The following C6orf118 variants were observed in gnomAD, a reference collection of about 807,000 sequenced individuals.
C6orf118 encodes chromosome 6 open reading frame 118, also known as uncharacterized protein C6orf118.
Under a neutral mutation model 50.2 loss-of-function variants are expected in C6orf118, and 50 were observed. The ratio of observed to expected loss-of-function variants is 1.00; its 90% CI spans 0.79 to 1.26. The LOEUF is 1.26. C6orf118 is among the 50% of genes most tolerant of loss of function. The probability of loss-of-function intolerance (pLI) is 0.00; values close to 1 mark genes in which losing one functional copy is unlikely to be tolerated. For synonymous variants in C6orf118, 239 were observed against 230.9 expected, an observed-to-expected ratio of 1.03 and a Z score of -0.32; for missense variants, 641 against 578.7, an observed-to-expected ratio of 1.11 and a Z score of -1.10.
At chr6:165,300,941 C>T (rs997248568) in intron 2 of C6orf118, among the ~76,000 whole-genome samples, 5 of 149,024 alleles carry the variant, frequency 3.4e-5, no homozygotes, top group Admixed American at 6.6e-5. Context: ...CTGGGCATAC[C>T]TCAGGGCGTG....
In C6orf118 at chr6:165,281,653, T is replaced by C; in HGVS notation, c.1343A>G (p.Lys448Arg). ...IQLETENMILKKKIKGPLEIY... is the reference protein window; with the variant it reads ...IQLETENMILRKKIKGPLEIY... ...CAAAAAACTTACTTTTATTTTCTTC[T>C]TTAAAATCATATTTTCTGTTTCCAA... The change falls in exon 8 of 9, where the codon AAG becomes AGG. Residue 448 changes from lysine (K) to arginine (R), a missense_variant. Lys to Arg is a conservative substitution (Grantham distance 26). Transcript: ENST00000230301. The C allele has an allele frequency of 6.7e-7, 1 of 1,497,522 alleles. No homozygotes were observed. Among genetic ancestry groups the C allele is most frequent in the Non-Finnish European group, 8.9e-7 (1 of 1,118,750 alleles). The allele number at this position is 1,497,522 out of a possible 1,614,324, so 92.8% of individuals were successfully genotyped here.
In C6orf118 at chr6:165,302,097, C is replaced by A; in HGVS notation, c.225G>T (p.Thr75=). 6.2e-7 allele frequency: 1 copy of A among 1,614,042 alleles called. No individual in the cohort carries two copies. The highest frequency in any genetic ancestry group is 8.5e-7 in the Non-Finnish European group (1 of 1,180,018). The change falls in exon 2 of 9, where the codon ACG becomes ACT. Residue 75 remains threonine, a synonymous_variant. Coordinates refer to ENST00000230301, the MANE Select transcript of C6orf118 (RefSeq NM_144980.4). The part of the protein sequence containing the change: ...NPNKLYQPPE[T]ILQHWPNAHR... ...GGGCATTGGGCCAGTGCTGTAAGATCGTCTCCGGAGGCTGGTAGAGCTTGT... is the reference window on the plus strand; with the variant it reads ...GGGCATTGGGCCAGTGCTGTAAGATAGTCTCCGGAGGCTGGTAGAGCTTGT...
At position 165,286,976 on chromosome 6, in the gene C6orf118, A is replaced by C. The variant is rs187595258; in HGVS notation, c.1302+2910T>G. On this transcript the variant is annotated intron_variant, in intron 7 of 8. Transcript: ENST00000230301. ...ATAAAGGGTATTGAAATAGGAAGAG[A>C]GGAAGTTGAATTGTCTCTGTTTGCA... is the stretch of plus-strand genomic sequence containing the variant. Among the ~76,000 whole-genome samples, 98 of 152,326 alleles carry C rather than the reference A, an allele frequency of 6.4e-4. 2 individuals carry two copies. Among genetic ancestry groups the C allele is most frequent in the Middle Eastern group, 6.8e-3 (2 of 294 alleles).
intron 6 of C6orf118, among the ~76,000 whole-genome samples, chr6:165,290,663 G>C (rs1423407074): frequency 1.3e-5 from 2 of 152,120 alleles, no homozygotes; most frequent in Non-Finnish European, 2.9e-5. Context: ...CTTTTAATAT[G>C]GGCAGAGACA....
In C6orf118 at chr6:165,279,826, C is replaced by G. The variant is rs182481246; in HGVS notation, c.*231G>C. The G allele has an allele frequency of 1.8e-5, 7 of 396,914 alleles. No individual in the cohort carries two copies. The highest frequency in any genetic ancestry group is 6.6e-4 in the Middle Eastern group (1 of 1,512). 24.6% of individuals were successfully genotyped at this position (396,914 alleles called of 1,614,324 possible). The stretch of plus-strand genomic sequence containing the variant: ...CATTATTAAATGAAAGTAAAACATA[C>G]GTTAAGAACTAGTATTGTTGTAAAT... On this transcript the variant is annotated 3_prime_UTR_variant, in exon 9 of 9. Coordinates refer to ENST00000230301, the MANE Select transcript of C6orf118 (RefSeq NM_144980.4).
chr6:165,302,498 GC>G (rs1780596467), intron 1 of C6orf118, among the ~76,000 whole-genome samples: 1 of 152,076 alleles, frequency 6.6e-6, no homozygotes, highest in African/African-American at 2.4e-5. Context: ...AGGCGCCCAG[GC>G]CCCCAGGATG....
chr6:165,282,726 G>A (rs964140476), intron 7 of C6orf118, among the ~76,000 whole-genome samples: 4 of 146,008 alleles, frequency 2.7e-5, no homozygotes, highest in African/African-American at 5.1e-5. Context: ...GAATAACAAT[G>A]GCAATTCTAT....
At chr6:165,298,576 C>A (rs1780398990) in intron 4 of C6orf118, among the ~76,000 whole-genome samples, 1 of 152,196 alleles carries the variant, frequency 6.6e-6, no homozygotes, top group African/African-American at 2.4e-5. Flanking sequence ...CAGAAAGAGG[C>A]ATCCAGGGCC....
chr6:165,300,834 CT>C (rs544299025), intron 2 of C6orf118, among the ~76,000 whole-genome samples: 245 of 152,266 alleles, frequency 1.6e-3, no homozygotes, highest in Non-Finnish European at 2.9e-3. Context: ...ATTTTCTTCT[CT>C]TTCGTGCATC....
At chr6:165,281,578 G>T in intron 8 of C6orf118, 62 bp downstream of exon 8, 1 of 1,472,684 alleles carries the variant, frequency 6.8e-7, no homozygotes, top group Admixed American at 2.7e-5. Context: ...TATTACACAG[G>T]ACAAGCAGTC....
At chr6:165,286,305 A>T (rs1174485183) in intron 7 of C6orf118, among the ~76,000 whole-genome samples, 1 of 152,058 alleles carries the variant, frequency 6.6e-6, no homozygotes, top group Non-Finnish European at 1.5e-5. Flanking sequence ...AATTTTTTTT[A>T]AAAAGCCCAG....
rs531523248 is a variant in C6orf118 at position 165,303,203 on chromosome 6, T to C, written c.26-907A>G. On this transcript the variant is annotated intron_variant, in intron 1 of 8. Transcript: ENST00000230301. Reference sequence around the variant, plus strand: ...TGAGTCAACCAAGGCGGCTGAATACTGGAGCCAATATTTTCAGCAGAGGGA... The same window carrying C: ...TGAGTCAACCAAGGCGGCTGAATACCGGAGCCAATATTTTCAGCAGAGGGA... Among the ~76,000 whole-genome samples, 3 of 152,322 alleles carry C rather than the reference T, an allele frequency of 2.0e-5. No homozygotes were observed. The East Asian group carries it at 5.8e-4, about 29-fold the overall frequency.
rs750510755 is a variant in C6orf118, at chr6:165,300,504, T to C, written c.754-18A>G. The C allele has an allele frequency of 2.5e-6, 4 of 1,601,706 alleles. No homozygotes were observed. The East Asian group carries it at 9.0e-5, about 36-fold the overall frequency. ...TGGAGCTCCTGGAGGAAAAACAGAGTCAGCCCATTTCAGGGTGGCTTCATC... is the reference window on the plus strand; with the variant it reads ...TGGAGCTCCTGGAGGAAAAACAGAGCCAGCCCATTTCAGGGTGGCTTCATC... On this transcript the variant is annotated intron_variant, in intron 2 of 8. Coordinates refer to ENST00000230301, the MANE Select transcript of C6orf118 (RefSeq NM_144980.4).
intron 7 of C6orf118, among the ~76,000 whole-genome samples, chr6:165,286,385 G>A (rs111460855): frequency 5.9e-5 from 9 of 152,052 alleles, no homozygotes; most frequent in African/African-American, 1.9e-4. Flanking sequence ...CTTCTGAAAC[G>A]CTTCCAAACA....
chr6:165,283,891 A>G (rs1193636385), intron 7 of C6orf118, among the ~76,000 whole-genome samples: 1 of 152,232 alleles, frequency 6.6e-6, no homozygotes, highest in Non-Finnish European at 1.5e-5. Flanking sequence ...AAAATAACTG[A>G]AAACTCAAAA....
At chr6:165,287,382 TC>T (rs1353025211) in intron 7 of C6orf118, among the ~76,000 whole-genome samples, 6 of 152,074 alleles carry the variant, frequency 3.9e-5, no homozygotes, top group Admixed American at 2.6e-4. Context: ...TCAATGCTAT[TC>T]CCATTAAACT....
At position 165,282,776 on chromosome 6, in the gene C6orf118, TAAG is replaced by T. The variant is rs968444515; in HGVS notation, c.1303-1086_1303-1084del. ...TTTGAATTAAGCAGCCAAATATAAA[TAAG>T]AAGTAGTTAAAGTAATATAAATTAG... is the stretch of plus-strand genomic sequence containing the variant. On this transcript the variant is annotated intron_variant, in intron 7 of 8. Coordinates refer to ENST00000230301, the MANE Select transcript of C6orf118 (RefSeq NM_144980.4). 2.0e-5 allele frequency among the ~76,000 whole-genome samples: 3 copies of T among 151,602 alleles called. No homozygotes were observed. The East Asian group carries it at 5.8e-4, about 29-fold the overall frequency.
intron 8 of C6orf118, 105 bp downstream of exon 8, chr6:165,281,535 A>T: frequency 7.0e-7 from 1 of 1,425,702 alleles, no homozygotes; most frequent in Non-Finnish European, 9.2e-7. Context: ...GTTTTCAGTA[A>T]CCTACAAAGA....
At chr6:165,296,262 T>G (rs866975808) in intron 5 of C6orf118, among the ~76,000 whole-genome samples, 4,088 of 143,622 alleles carry the variant, frequency 0.028, 108 homozygotes, top group African/African-American at 0.052. Flanking sequence ...TTTTTTTTTT[T>G]TTTTTTTTTT....
Sources: allele counts gnomAD v4.1 joint callset (sites outside exome capture counted in the v4.1 genomes callset), GRCh38; gene constraint gnomAD v4.1.1; transcripts MANE v1.5; gene names NCBI Gene and HGNC (gene_info 2026-07-23, HGNC 2026-07-21).